Variants in CEP83 observed in about 807,000 individuals in gnomAD.
CEP83 encodes centrosomal protein 83.
CEP83 carries 70 observed loss-of-function variants against 101.9 expected under a neutral mutation model. The ratio of observed to expected loss-of-function variants is 0.69; its 90% CI spans 0.57 to 0.84. The LOEUF (loss-of-function observed/expected upper bound fraction) is 0.84, where lower values mean the gene tolerates loss of function less well. Ranked by LOEUF, CEP83 falls within the 40% of genes least tolerant of loss-of-function variation. The pLI is 0.00. For synonymous variants in CEP83, 264 were observed against 267.9 expected, an observed-to-expected ratio of 0.99 and a Z score of 0.14; for missense variants, 715 against 787.2, an observed-to-expected ratio of 0.91 and a Z score of 1.10.
chr12:94,373,634 T>C (rs11107520), intron 8 of CEP83, among the ~76,000 whole-genome samples: 48,299 of 152,002 alleles, frequency 0.32, 7,731 homozygotes, highest in South Asian at 0.34. Context: ...ATGAGGGAAC[T>C]AGAAGAATTT....
At chr12:94,304,621 A>G (rs1162884671), downstream of CEP83, among the ~76,000 whole-genome samples, 1 of 152,048 alleles carries the variant, frequency 6.6e-6, no homozygotes, top group African/African-American at 2.4e-5. Context: ...GGGACAGGCT[A>G]TCCATGTCAA....
intron 2 of CEP83, among the ~76,000 whole-genome samples, chr12:94,432,534 A>C (rs1027261694): frequency 1.3e-5 from 2 of 152,138 alleles, no homozygotes; most frequent in Admixed American, 6.5e-5. Flanking sequence ...GTGGGAGCTT[A>C]AAAAAAGTTG....
chr12:94,455,390 T>C (rs931068306), intron 1 of CEP83, among the ~76,000 whole-genome samples: 2 of 152,226 alleles, frequency 1.3e-5, no homozygotes, highest in African/African-American at 2.4e-5. Context: ...TATACTGCAA[T>C]TGTGTTACTG....
At chr12:94,447,283 G>T (rs2138496888) in intron 1 of CEP83, among the ~76,000 whole-genome samples, 1 of 152,314 alleles carries the variant, frequency 6.6e-6, no homozygotes, top group South Asian at 2.1e-4. Flanking sequence ...AGAGGCCAAG[G>T]TGGGTGGCTC....
chr12:94,414,452 G>A (rs2064122831), intron 2 of CEP83, among the ~76,000 whole-genome samples: 1 of 152,168 alleles, frequency 6.6e-6, no homozygotes, highest in African/African-American at 2.4e-5. Context: ...TCAGCAGAAA[G>A]GCCAGACCCT....
chr12:94,341,211 A>G (rs944459037), intron 11 of CEP83, among the ~76,000 whole-genome samples: 1 of 152,230 alleles, frequency 6.6e-6, no homozygotes, highest in Non-Finnish European at 1.5e-5. Flanking sequence ...TGGTAAAAAA[A>G]AAACACTTTC....
At chr12:94,291,867 C>CG in the CEP83 span, among the ~76,000 whole-genome samples, 1 of 152,168 alleles carries the variant, frequency 6.6e-6, no homozygotes, top group Admixed American at 6.5e-5. Flanking sequence ...ACCCAGTGAA[C>CG]GTAGTACCCA....
At chr12:94,428,255 T>G (rs553400082) in intron 2 of CEP83, among the ~76,000 whole-genome samples, 2 of 152,322 alleles carry the variant, frequency 1.3e-5, no homozygotes, top group Admixed American at 6.5e-5. Context: ...TTGTCCAAAT[T>G]CATTTTAACA....
At chr12:94,394,089 C>A (rs1358729419) in intron 6 of CEP83, among the ~76,000 whole-genome samples, 2 of 152,144 alleles carry the variant, frequency 1.3e-5, no homozygotes, top group African/African-American at 4.8e-5. Flanking sequence ...ATCAAGCTAC[C>A]AATGACTTTC....
At chr12:94,447,824 T>C (rs934072546) in intron 1 of CEP83, among the ~76,000 whole-genome samples, 7 of 151,952 alleles carry the variant, frequency 4.6e-5, no homozygotes, top group Admixed American at 6.6e-5. Context: ...CCTAACAATA[T>C]AGCAAAAGAA....
intron 11 of CEP83, among the ~76,000 whole-genome samples, chr12:94,358,549 G>C (rs1029162449): frequency 1.3e-5 from 2 of 152,148 alleles, no homozygotes; most frequent in Non-Finnish European, 2.9e-5. Flanking sequence ...GAAATTAGTT[G>C]CTGAACAATT....
chr12:94,386,186 T>C (rs936046840), intron 6 of CEP83, among the ~76,000 whole-genome samples: 3 of 152,230 alleles, frequency 2.0e-5, no homozygotes, highest in Non-Finnish European at 2.9e-5. Flanking sequence ...AGAACCAGAA[T>C]AGCCTTTAGT....
the CEP83 span, among the ~76,000 whole-genome samples, chr12:94,278,874 T>G: frequency 6.6e-6 from 1 of 152,152 alleles, no homozygotes. Flanking sequence ...GGCATGTGCC[T>G]GTAATCCCAG....
intron 11 of CEP83, among the ~76,000 whole-genome samples, chr12:94,355,269 G>A (rs1024922284): frequency 2.0e-5 from 3 of 152,200 alleles, no homozygotes; most frequent in Admixed American, 6.5e-5. Flanking sequence ...CAAGGCGGGT[G>A]GATCACGAGG....
At chr12:94,355,022 A>AG (rs2060386385) in intron 11 of CEP83, among the ~76,000 whole-genome samples, 1 of 151,910 alleles carries the variant, frequency 6.6e-6, no homozygotes, top group Non-Finnish European at 1.5e-5. Flanking sequence ...ACAAAAAAAA[A>AG]CAGAAAAATT....
chr12:94,359,036 C>T (rs1185326970), intron 11 of CEP83, among the ~76,000 whole-genome samples: 3 of 152,394 alleles, frequency 2.0e-5, no homozygotes, highest in East Asian at 3.9e-4. Context: ...GCATCTGTGT[C>T]TTAAGGGTGT....
chr12:94,432,116 G>A (rs1027369593), intron 2 of CEP83, among the ~76,000 whole-genome samples: 25 of 151,210 alleles, frequency 1.7e-4, no homozygotes, highest in African/African-American at 2.2e-4. Flanking sequence ...GTGCAGTGGC[G>A]CGATCTCAGC....
intron 1 of CEP83, among the ~76,000 whole-genome samples, chr12:94,445,849 G>C (rs2066761091): frequency 6.6e-6 from 1 of 152,218 alleles, no homozygotes; most frequent in Non-Finnish European, 1.5e-5. Flanking sequence ...CCACGCAATG[G>C]AATGTCATCC....
chr12:94,301,283 T>TCTGCCTGTGAAAAACTTTATCACAAA, the CEP83 span, among the ~76,000 whole-genome samples: 1 of 152,214 alleles, frequency 6.6e-6, no homozygotes, highest in African/African-American at 2.4e-5. Context: ...ACTGCAGAAT[T>TCTGCCTGTGAAAAACTTTATCACAAA]CTGCCTGTGA....
Sources: gnomAD v4.1 joint callset for allele counts (sites outside exome capture counted in the v4.1 genomes callset) on GRCh38, gnomAD v4.1.1 for gene constraint, MANE v1.5 for transcripts, NCBI Gene and HGNC (gene_info 2026-07-23, HGNC 2026-07-21) for gene names.